INTS6: variants seen among roughly 807,000 people sequenced by gnomAD.
INTS6 encodes the protein integrator complex subunit 6.
Under a neutral mutation model 104.9 loss-of-function variants are expected in INTS6, and 16 were observed. That is an observed-to-expected ratio of 0.15 (90% confidence interval 0.10 to 0.23). The LOEUF (loss-of-function observed/expected upper bound fraction) is 0.23, where lower values mean the gene tolerates loss of function less well. Among genes scored for constraint, INTS6 ranks in the 10% least tolerant of loss-of-function variants. The pLI is 1.00. For synonymous variants in INTS6, 324 were observed against 358.7 expected (o/e 0.90, Z 1.09); for missense variants, 584 against 1,062.8 (o/e 0.55, Z 6.26).
chr13:51,447,827 G>C (rs1318712988), intron 3 of INTS6: 2 of 151,346 alleles, frequency 1.3e-5, no homozygotes, highest in Admixed American at 6.6e-5. Flanking sequence ...GGGAGGCCAA[G>C]GTGGGCAGAT....
At chr13:51,437,749 C>T (rs1335966999) in intron 3 of INTS6, 5 of 152,278 alleles carry the variant, frequency 3.3e-5, no homozygotes, top group African/African-American at 4.8e-5. Flanking sequence ...ATGGCTCACA[C>T]CTGTAATCCA....
chr13:51,449,018 G>A (rs1261133721), intron 3 of INTS6: 1 of 152,126 alleles, frequency 6.6e-6, no homozygotes, highest in East Asian at 1.9e-4. Context: ...GTTGTGAATA[G>A]AAAACATGAA....
At chr13:51,341,004 C>T in the INTS6 span, 1 of 1,477,750 alleles carries the variant, frequency 6.8e-7, no homozygotes, top group Non-Finnish European at 9.2e-7. Flanking sequence ...GGTCCCAGTC[C>T]TCTGTGGGAC....
chr13:51,377,753 G>A (rs1955962996), intron 12 of INTS6, among the ~76,000 whole-genome samples: 1 of 152,092 alleles, frequency 6.6e-6, no homozygotes, highest in Non-Finnish European at 1.5e-5. Flanking sequence ...GATGATATAA[G>A]TCTTCCAACT....
chr13:51,361,969 A>G lies in INTS6; in HGVS notation c.*3783T>C. On this transcript the variant is annotated 3_prime_UTR_variant, in exon 18 of 18. Coordinates refer to ENST00000311234, the MANE Select transcript of INTS6 (RefSeq NM_012141.3). The stretch of plus-strand genomic sequence containing the variant: ...AGCAACAAGGGCTCATTTGTCCACT[A>G]TCCCCTCAAAAATAAGCATTCTTTC... 6.2e-7 allele frequency: 1 copy of G among 1,611,176 alleles called. No individual in the cohort carries two copies. The highest frequency in any genetic ancestry group is 8.5e-7 in the Non-Finnish European group (1 of 1,178,378).
chr13:51,361,215 G>A, downstream of INTS6: 1 of 1,048,706 alleles, frequency 9.5e-7, no homozygotes, highest in South Asian at 1.4e-5. Context: ...TAAAGAATGT[G>A]TTCTAAATGT....
Position 51,395,325 on chromosome 13 carries a change from G to A in INTS6, c.588C>T (p.Ile196=). 2 of 1,609,740 alleles carry A rather than the reference G, an allele frequency of 1.2e-6. No individual in the cohort carries two copies. The highest frequency in any genetic ancestry group is 1.7e-6 in the Non-Finnish European group (2 of 1,178,596). The change falls in exon 5 of 18, where the codon ATC becomes ATT. Residue 196 remains isoleucine, a synonymous_variant. Transcript: ENST00000311234. The part of the protein sequence containing the change: ...LTGVPLDDSA[I]TPMCEVTGGR... ...CGCCTGTCACTTCACACATTGGTGT[G>A]ATTGCAGAGTCATCTAAAGGCACAC...
chr13:51,418,174 G>A (rs1956828702), intron 4 of INTS6, among the ~76,000 whole-genome samples: 1 of 152,192 alleles, frequency 6.6e-6, no homozygotes, highest in Non-Finnish European at 1.5e-5. Flanking sequence ...TACAGTAACA[G>A]TCCTTCACAA....
At chr13:51,398,727 T>C (rs1370257284) in intron 4 of INTS6, among the ~76,000 whole-genome samples, 1 of 149,164 alleles carries the variant, frequency 6.7e-6, no homozygotes, top group African/African-American at 2.5e-5. Flanking sequence ...GTATAAGATG[T>C]TTAAAAAAAA....
At chr13:51,386,985 C>T (rs1414145805) in intron 7 of INTS6, among the ~76,000 whole-genome samples, 2 of 152,088 alleles carry the variant, frequency 1.3e-5, no homozygotes, top group Non-Finnish European at 2.9e-5. Flanking sequence ...TAAAACCATA[C>T]ATATCAATAT....
At chr13:51,403,378 C>A (rs1161081240) in intron 4 of INTS6, among the ~76,000 whole-genome samples, 1 of 151,908 alleles carries the variant, frequency 6.6e-6, no homozygotes, top group African/African-American at 2.4e-5. Context: ...GTCAGCAGAT[C>A]GAGACCATTC....
chr13:51,389,524 G>T (rs1956207438), intron 5 of INTS6, 80 bp from the exon 6 acceptor site: 93 of 1,254,472 alleles, frequency 7.4e-5, no homozygotes, highest in East Asian at 2.1e-4. Context: ...TCATTAGCAA[G>T]AAAAAAACAA....
intron 15 of INTS6, 38 bp from the exon 16 acceptor site, chr13:51,369,348 A>C: frequency 6.4e-7 from 1 of 1,559,464 alleles, no homozygotes; most frequent in Non-Finnish European, 8.7e-7. Flanking sequence ...TATGGGATCC[A>C]GTCTCAAAGC....
Position 51,430,479 on chromosome 13 carries a change from T to C in INTS6, c.340-96A>G, listed in dbSNP as rs537681178. 3.6e-4 allele frequency: 296 copies of C among 824,396 alleles called. 2 individuals carry two copies. Among genetic ancestry groups the C allele is most frequent in the Non-Finnish European group, 3.8e-4 (199 of 523,072 alleles). The allele number at this position is 824,396 out of a possible 1,614,324, so 51.1% of individuals were successfully genotyped here. On this transcript the variant is annotated intron_variant, in intron 3 of 17. Transcript: ENST00000311234. The stretch of plus-strand genomic sequence containing the variant: ...AGAACAGCATATATACGATCTCCCT[T>C]TCTAGTTTCATTTTACATGTAGTAT...
At chr13:51,430,014 T>C (rs898401060) in intron 4 of INTS6, among the ~76,000 whole-genome samples, 14 of 151,832 alleles carry the variant, frequency 9.2e-5, no homozygotes, top group African/African-American at 3.4e-4. Flanking sequence ...AAGGAATTCA[T>C]TTTACTATTT....
chr13:51,419,324 A>G (rs1338511877), intron 4 of INTS6, among the ~76,000 whole-genome samples: 6 of 152,196 alleles, frequency 3.9e-5, no homozygotes, highest in African/African-American at 1.4e-4. Flanking sequence ...GGTTCAATCT[A>G]TAAGGTTTTC....
chr13:51,362,133 G>A lies in INTS6; in HGVS notation c.*3619C>T. 1 of 1,302,298 alleles carries A rather than the reference G, an allele frequency of 7.7e-7. No individual in the cohort carries two copies. The highest frequency in any genetic ancestry group is 3.0e-5 in the East Asian group (1 of 33,478). 80.7% of individuals were successfully genotyped at this position (1,302,298 alleles called of 1,614,324 possible). ...TTCTCTCAGCTCATATATAGTTAAT[G>A]TAGATTTTTTTTTTTAATGCTATAG... On this transcript the variant is annotated 3_prime_UTR_variant, in exon 18 of 18. Transcript: ENST00000311234.
chr13:51,356,633 G>A (rs1314150009), downstream of INTS6, among the ~76,000 whole-genome samples: 2 of 152,094 alleles, frequency 1.3e-5, no homozygotes, highest in South Asian at 2.1e-4. Flanking sequence ...ACATCCTAAT[G>A]TGCCATCAAC....
chr13:51,435,198 C>A (rs537469973), intron 3 of INTS6, among the ~76,000 whole-genome samples: 1 of 152,014 alleles, frequency 6.6e-6, no homozygotes, highest in South Asian at 2.1e-4. Flanking sequence ...TAAAAGTTTA[C>A]TTTTGCTATT....
Sources: allele counts gnomAD v4.1 joint callset (sites outside exome capture counted in the v4.1 genomes callset), GRCh38; gene constraint gnomAD v4.1.1; transcripts MANE v1.5; gene names NCBI Gene and HGNC (gene_info 2026-07-23, HGNC 2026-07-21).